Variants in LEF1 observed in about 807,000 individuals in gnomAD.
LEF1 encodes lymphoid enhancer binding factor 1, also known as lymphoid enhancer-binding factor 1.
LEF1 carries 14 observed loss-of-function variants against 51.2 expected under a neutral mutation model. The observed-to-expected ratio is 0.27, with a 90% CI of 0.18 to 0.43. LEF1 has a LOEUF of 0.43. LEF1 is among the 20% of genes least tolerant of loss of function. LEF1 has a pLI of 1.00. For missense variants in LEF1, 386 were observed against 512.0 expected, an observed-to-expected ratio of 0.75 and a Z score of 2.37; for synonymous variants, 185 against 183.2, an observed-to-expected ratio of 1.01 and a Z score of -0.08.
intron 3 of LEF1, among the ~76,000 whole-genome samples, chr4:108,160,968 G>C (rs1336009676): frequency 1.3e-5 from 2 of 152,218 alleles, no homozygotes; most frequent in East Asian, 3.9e-4. Flanking sequence ...GCAATTGTTT[G>C]TAATGGAAAT....
At chr4:108,108,034 G>GAAAAGC (rs1741283147) in intron 3 of LEF1, among the ~76,000 whole-genome samples, 1 of 152,192 alleles carries the variant, frequency 6.6e-6, no homozygotes, top group Non-Finnish European at 1.5e-5. Context: ...CAGGGACAGG[G>GAAAAGC]AAAAGCAAAG....
intron 3 of LEF1, among the ~76,000 whole-genome samples, chr4:108,128,096 G>A (rs140463667): frequency 6.6e-6 from 1 of 152,180 alleles, no homozygotes; most frequent in African/African-American, 2.4e-5. Flanking sequence ...TTAGTTCAAA[G>A]ACATAATAAA....
At chr4:108,076,270 G>A (rs1738853377) in intron 8 of LEF1, among the ~76,000 whole-genome samples, 1 of 152,094 alleles carries the variant, frequency 6.6e-6, no homozygotes, top group East Asian at 1.9e-4. Context: ...TCTAATGTCT[G>A]TATTCTGTCA....
At chr4:108,124,236 G>C (rs1484121882) in intron 3 of LEF1, among the ~76,000 whole-genome samples, 3 of 152,094 alleles carry the variant, frequency 2.0e-5, no homozygotes, top group Non-Finnish European at 4.4e-5. Context: ...ATATGTGTTA[G>C]ATGAAACCCA....
At position 108,083,410 on chromosome 4, in the gene LEF1, G is replaced by C. The variant is rs1442283587; in HGVS notation, c.584C>G (p.Thr195Ser). Residue 195 changes from threonine (T) to serine (S), a missense_variant, in exon 5 of 12, where the codon ACT becomes AGT. This residue lies in a region of LEF1 where 335 missense variants were observed against 390.7 expected (regional missense o/e 0.86). Transcript: ENST00000265165. The part of the protein sequence containing the change: ...SRHPPAPDIP[T>S]FYPLSPGGVG... ...ACCACCCGGAGACAAGGGATAAAAA[G>C]TAGGGATATCAGGAGCTGGAGGATG... The C allele has an allele frequency of 1.9e-6, 3 of 1,613,668 alleles. No homozygotes were observed. The highest frequency in any genetic ancestry group is 2.5e-6 in the Non-Finnish European group (3 of 1,179,744).
At chr4:108,140,953 A>G (rs1002387843) in intron 3 of LEF1, among the ~76,000 whole-genome samples, 1 of 152,246 alleles carries the variant, frequency 6.6e-6, no homozygotes, top group Non-Finnish European at 1.5e-5. Flanking sequence ...ATCAAGGTGA[A>G]AAAACATAAT....
intron 3 of LEF1, among the ~76,000 whole-genome samples, chr4:108,155,064 T>A (rs1011916628): frequency 1.3e-5 from 2 of 152,166 alleles, no homozygotes; most frequent in Admixed American, 1.3e-4. Context: ...TTGCCCATTG[T>A]CCTTCATACG....
intron 3 of LEF1, among the ~76,000 whole-genome samples, chr4:108,139,345 G>A (rs1328586363): frequency 6.6e-6 from 1 of 152,170 alleles, no homozygotes; most frequent in Non-Finnish European, 1.5e-5. Context: ...AAGTTATGAT[G>A]GTTTTAGTCA....
chr4:108,137,260 A>C (rs1250646196), intron 3 of LEF1, among the ~76,000 whole-genome samples: 1 of 152,166 alleles, frequency 6.6e-6, no homozygotes, highest in African/African-American at 2.4e-5. Flanking sequence ...TTGGGGACTC[A>C]GGGGAAAGGG....
chr4:108,070,415 A>G (rs1419678365), intron 9 of LEF1: 1 of 302,486 alleles, frequency 3.3e-6, no homozygotes, highest in African/African-American at 2.2e-5. Flanking sequence ...TCAAATTTTA[A>G]TAATAAGGTA....
chr4:108,148,005 A>G (rs1744104290), intron 3 of LEF1, among the ~76,000 whole-genome samples: 1 of 152,178 alleles, frequency 6.6e-6, no homozygotes, highest in Admixed American at 6.5e-5. Flanking sequence ...ATTTAACAAC[A>G]ACGATTTAAA....
At chr4:108,165,816 T>C (rs1239170201) in intron 1 of LEF1, among the ~76,000 whole-genome samples, 3 of 152,162 alleles carry the variant, frequency 2.0e-5, no homozygotes, top group African/African-American at 4.8e-5. Flanking sequence ...GATATCAGTT[T>C]TGGTAATCAC....
chr4:108,137,220 T>C (rs1743319110), intron 3 of LEF1, among the ~76,000 whole-genome samples: 1 of 152,138 alleles, frequency 6.6e-6, no homozygotes, highest in East Asian at 1.9e-4. Flanking sequence ...GAAAGTCTAT[T>C]GCAAAGGCGT....
At chr4:108,139,817 G>A (rs1227950688) in intron 3 of LEF1, among the ~76,000 whole-genome samples, 1 of 151,692 alleles carries the variant, frequency 6.6e-6, no homozygotes, top group African/African-American at 2.4e-5. Context: ...ACTATAACTT[G>A]GATTCATAAA....
intron 3 of LEF1, among the ~76,000 whole-genome samples, chr4:108,109,274 A>C (rs371917853): frequency 1.7e-3 from 258 of 152,348 alleles, no homozygotes; most frequent in African/African-American, 5.8e-3. Context: ...ATTCATTTCA[A>C]TTATTAACAG....
chr4:108,112,301 T>C (rs1390746912), intron 3 of LEF1, among the ~76,000 whole-genome samples: 1 of 152,208 alleles, frequency 6.6e-6, no homozygotes, highest in East Asian at 1.9e-4. Context: ...CCAATACAAA[T>C]AGCTCCTAGG....
chr4:108,136,501 C>G (rs1345016826), intron 3 of LEF1, among the ~76,000 whole-genome samples: 2 of 143,050 alleles, frequency 1.4e-5, no homozygotes, highest in Non-Finnish European at 3.0e-5. Context: ...GATGCTTATG[C>G]TGCATAGTAT....
At chr4:108,086,603 A>G (rs1739661405) in intron 4 of LEF1, among the ~76,000 whole-genome samples, 2 of 152,214 alleles carry the variant, frequency 1.3e-5, no homozygotes, top group South Asian at 4.1e-4. Flanking sequence ...TAAAATAAGA[A>G]TAGGACTGTT....
intron 4 of LEF1, among the ~76,000 whole-genome samples, chr4:108,084,385 C>A (rs975630950): frequency 1.3e-4 from 20 of 152,184 alleles, no homozygotes; most frequent in African/African-American, 3.1e-4. Flanking sequence ...GTTTAACACC[C>A]AGATTATACG....
Sources: gnomAD v4.1 joint callset for allele counts (sites outside exome capture counted in the v4.1 genomes callset) on GRCh38, gnomAD v4.1.1 for gene constraint, gnomAD v4.1.1 regional missense constraint, MANE v1.5 for transcripts, NCBI Gene and HGNC (gene_info 2026-07-23, HGNC 2026-07-21) for gene names.